The following ADAM22 variants were observed in gnomAD, a reference collection of about 807,000 sequenced individuals.
ADAM22 encodes ADAM metallopeptidase domain 22, also known as disintegrin and metalloproteinase domain-containing protein 22.
Under a neutral mutation model 144.6 loss-of-function variants are expected in ADAM22, and 65 were observed. The observed-to-expected ratio is 0.45, with a 90% confidence interval of 0.37 to 0.55. The LOEUF (loss-of-function observed/expected upper bound fraction) is 0.55. ADAM22 is among the 20% of genes least tolerant of loss of function. The pLI is 0.00. For synonymous variants in ADAM22, 391 were observed against 412.6 expected (o/e 0.95, Z 0.63); for missense variants, 974 against 1,184.9 (o/e 0.82, Z 2.61).
At chr7:88,093,690 G>A (rs965882373) in intron 4 of ADAM22, among the ~76,000 whole-genome samples, 1 of 152,056 alleles carries the variant, frequency 6.6e-6, no homozygotes, top group African/African-American at 2.4e-5. Flanking sequence ...GGGACTACAG[G>A]TGCATGTCAT....
intron 14 of ADAM22, among the ~76,000 whole-genome samples, chr7:88,142,200 A>C (rs1485164144): frequency 2.0e-5 from 3 of 152,322 alleles, no homozygotes; most frequent in Non-Finnish European, 4.4e-5. Flanking sequence ...TAACCACTAT[A>C]CAACCAGTAA....
rs371199407 is a variant in ADAM22, at chr7:88,019,532, T to C, written c.323+41120T>C. Among the ~76,000 whole-genome samples, 24 of 151,978 alleles carry C rather than the reference T, an allele frequency of 1.6e-4. 1 individual carries two copies. The highest frequency in any genetic ancestry group is 1.1e-3 in the Admixed American group (17 of 15,258). ...AGCATACTGACTTTGAAATTTATAATGGTATAAACTTACTTCAAAATATAT... is the reference window on the plus strand; with the variant it reads ...AGCATACTGACTTTGAAATTTATAACGGTATAAACTTACTTCAAAATATAT... On this transcript the variant is annotated intron_variant, in intron 3 of 31. Coordinates refer to ENST00000413139, the MANE Select transcript of ADAM22 (RefSeq NM_001324418.2).
intron 3 of ADAM22, among the ~76,000 whole-genome samples, chr7:88,005,239 G>A (rs1793527159): frequency 6.6e-6 from 1 of 152,236 alleles, no homozygotes; most frequent in African/African-American, 2.4e-5. Flanking sequence ...TGGTTGCCAG[G>A]AAAGAGATTT....
At chr7:87,997,821 C>T (rs1273783981) in intron 3 of ADAM22, among the ~76,000 whole-genome samples, 1 of 152,188 alleles carries the variant, frequency 6.6e-6, no homozygotes, top group African/African-American at 2.4e-5. Context: ...TAGTCAGGGA[C>T]AGGACTAATA....
rs150172454 is a variant in ADAM22, at chr7:88,059,523, G to A, written c.324-16103G>A. Among the ~76,000 whole-genome samples, 871 of 152,178 alleles carry A rather than the reference G, an allele frequency of 5.7e-3. 15 individuals carry two copies. Among genetic ancestry groups the A allele is most frequent in the African/African-American group, 0.02 (824 of 41,500 alleles). On this transcript the variant is annotated intron_variant, in intron 3 of 31. Transcript: ENST00000413139. ...TAAAGCAAGTCACGTACATTTTATG[G>A]TTTCTCAGTTCATATAAAAGTTATG...
At chr7:88,145,686 T>C (rs1836186954) in intron 17 of ADAM22, among the ~76,000 whole-genome samples, 179 bp downstream of exon 17, 1 of 152,182 alleles carries the variant, frequency 6.6e-6, no homozygotes, top group Non-Finnish European at 1.5e-5. Context: ...TTATTATTAT[T>C]CCCATCTAAA....
intron 3 of ADAM22, among the ~76,000 whole-genome samples, chr7:88,002,354 C>G (rs1792764834): frequency 6.6e-6 from 1 of 152,148 alleles, no homozygotes; most frequent in South Asian, 2.1e-4. Flanking sequence ...ATTCCTGTGG[C>G]ATCCTAACCA....
At chr7:88,148,311 G>A (rs1380552921) in intron 17 of ADAM22, among the ~76,000 whole-genome samples, 4 of 152,116 alleles carry the variant, frequency 2.6e-5, no homozygotes, top group African/African-American at 9.7e-5. Flanking sequence ...TCTCAGGTCT[G>A]TTTCATTTTA....
Position 88,134,437 on chromosome 7 carries a change from T to TGTG in ADAM22, c.1168+21_1168+23dup. On this transcript the variant is annotated intron_variant, in intron 13 of 31. Coordinates refer to ENST00000413139, the MANE Select transcript of ADAM22 (RefSeq NM_001324418.2). Reference sequence around the variant, plus strand: ...AGCAAGTGGTAAGTTTTAGTACATGTGTGGTTAGTTGTATTTAAAATAGAC... The same window carrying TGTG: ...AGCAAGTGGTAAGTTTTAGTACATGTGTGGTGGTTAGTTGTATTTAAAATAGAC... 1 of 1,538,148 alleles carries TGTG rather than the reference T, an allele frequency of 6.5e-7. No homozygotes were observed. The highest frequency in any genetic ancestry group is 1.2e-5 in the South Asian group (1 of 84,332).
At chr7:88,127,305 CT>C (rs1294553051) in intron 8 of ADAM22, among the ~76,000 whole-genome samples, 2 of 151,934 alleles carry the variant, frequency 1.3e-5, no homozygotes, top group Non-Finnish European at 2.9e-5. Flanking sequence ...CTTGATTTCT[CT>C]TTCTGAGAAA....
chr7:88,039,844 A>G (rs1211063454), intron 3 of ADAM22, among the ~76,000 whole-genome samples: 1 of 151,892 alleles, frequency 6.6e-6, no homozygotes, highest in Non-Finnish European at 1.5e-5. Flanking sequence ...CTCTGTAGGT[A>G]CTTGAAAAGG....
At chr7:87,935,264 T>C (rs906269277) in intron 2 of ADAM22, 78 bp downstream of exon 2, 3 of 1,428,330 alleles carry the variant, frequency 2.1e-6, no homozygotes, top group Non-Finnish European at 2.8e-6. Flanking sequence ...TCGGTTGCCC[T>C]GGAGATCCCA....
At chr7:88,132,683 A>G in intron 11 of ADAM22, 184 bp from the exon 12 acceptor site, 1 of 463,508 alleles carries the variant, frequency 2.2e-6, no homozygotes, top group Non-Finnish European at 3.9e-6. Flanking sequence ...GCAAGAAAAC[A>G]TCCCTCATAA....
At chr7:88,104,263 C>A (rs1823770266) in intron 4 of ADAM22, among the ~76,000 whole-genome samples, 1 of 152,044 alleles carries the variant, frequency 6.6e-6, no homozygotes, top group Non-Finnish European at 1.5e-5. Context: ...ACAGTGTACA[C>A]AGTATAAAAC....
chr7:87,949,209 T>G (rs1319696433), intron 2 of ADAM22, among the ~76,000 whole-genome samples: 2 of 151,802 alleles, frequency 1.3e-5, no homozygotes, highest in African/African-American at 2.4e-5. Context: ...TCAAGGTGAG[T>G]GTTTGAATTG....
At chr7:88,174,006 C>T (rs1844996283) in intron 26 of ADAM22, among the ~76,000 whole-genome samples, 1 of 152,106 alleles carries the variant, frequency 6.6e-6, no homozygotes, top group African/African-American at 2.4e-5. Context: ...TAAACTTTTG[C>T]TTTGACACTA....
chr7:88,033,438 G>A (rs1024870481), intron 3 of ADAM22, among the ~76,000 whole-genome samples: 6 of 152,160 alleles, frequency 3.9e-5, no homozygotes, highest in African/African-American at 1.2e-4. Context: ...GCTGAGTGTC[G>A]GGGTGACACA....
At chr7:88,101,434 T>C (rs1472455047) in intron 4 of ADAM22, among the ~76,000 whole-genome samples, 1 of 152,088 alleles carries the variant, frequency 6.6e-6, no homozygotes, top group African/African-American at 2.4e-5. Context: ...CCCTGACCCT[T>C]TTAGCATGAC....
chr7:87,986,388 G>T (rs1463919573), intron 3 of ADAM22, among the ~76,000 whole-genome samples: 1 of 152,168 alleles, frequency 6.6e-6, no homozygotes, highest in Non-Finnish European at 1.5e-5. Flanking sequence ...AAGGGGAACT[G>T]TATTGGAAGG....
Sources: allele counts gnomAD v4.1 joint callset (sites outside exome capture counted in the v4.1 genomes callset), GRCh38; gene constraint gnomAD v4.1.1; transcripts MANE v1.5; gene names NCBI Gene and HGNC (gene_info 2026-07-23, HGNC 2026-07-21).